The following DIAPH3 variants were observed in gnomAD, a reference collection of about 807,000 sequenced individuals.
DIAPH3 encodes protein diaphanous homolog 3.
In DIAPH3, 117 loss-of-function variants were observed where a neutral mutation model predicts 144.3. That is an observed-to-expected ratio of 0.81 (90% confidence interval 0.70 to 0.95). The LOEUF is 0.95. Among genes scored for constraint, DIAPH3 ranks in the 40% least tolerant of loss-of-function variants. The probability of loss-of-function intolerance (pLI) is 0.00; values close to 1 mark genes in which losing one functional copy is unlikely to be tolerated. For missense variants in DIAPH3, 1,421 were observed against 1,412.7 expected, an observed-to-expected ratio of 1.01 and a Z score of -0.09; for synonymous variants, 519 against 488.9, an observed-to-expected ratio of 1.06 and a Z score of -0.81.
intron 4 of DIAPH3, among the ~76,000 whole-genome samples, chr13:60,051,779 T>C (rs1357975527): frequency 6.6e-6 from 1 of 152,174 alleles, no homozygotes; most frequent in African/African-American, 2.4e-5. Flanking sequence ...TTGTCAGATC[T>C]GATGATTAGA....
At chr13:59,779,686 A>G (rs1056042939) in intron 25 of DIAPH3, among the ~76,000 whole-genome samples, 1 of 151,546 alleles carries the variant, frequency 6.6e-6, no homozygotes, top group Non-Finnish European at 1.5e-5. Flanking sequence ...TAATTTTTGC[A>G]TTTTTACTAG....
chr13:59,713,892 T>C (rs2034886703), intron 27 of DIAPH3, among the ~76,000 whole-genome samples: 1 of 152,076 alleles, frequency 6.6e-6, no homozygotes, highest in Non-Finnish European at 1.5e-5. Context: ...ATAACAGCCA[T>C]GGAGAGCAAA....
chr13:59,675,025 C>T (rs1259698812), intron 27 of DIAPH3, among the ~76,000 whole-genome samples: 3 of 152,174 alleles, frequency 2.0e-5, no homozygotes, highest in African/African-American at 7.2e-5. Context: ...TTATTAAACA[C>T]ATACTACATA....
At chr13:59,862,756 A>AT (rs1273894406) in intron 21 of DIAPH3, among the ~76,000 whole-genome samples, 1 of 151,932 alleles carries the variant, frequency 6.6e-6, no homozygotes, top group Non-Finnish European at 1.5e-5. Flanking sequence ...GTTTTTAGGC[A>AT]TTTTTTTCCT....
intron 5 of DIAPH3, among the ~76,000 whole-genome samples, chr13:60,024,926 T>C (rs745504548): frequency 2.6e-5 from 4 of 152,004 alleles, no homozygotes; most frequent in Admixed American, 1.3e-4. Context: ...AATAGCACCA[T>C]GGAAGGGGGA....
chr13:59,886,054 T>G (rs987238427), intron 20 of DIAPH3, among the ~76,000 whole-genome samples: 1 of 152,144 alleles, frequency 6.6e-6, no homozygotes, highest in African/African-American at 2.4e-5. Flanking sequence ...GTAAAAAATA[T>G]AGTACAAATG....
In DIAPH3 at chr13:60,040,927, C is replaced by A. The variant is rs2055617387; in HGVS notation, c.626+1763G>T. ...CTCCTAGGTTCAAGCGATTCTCCTG[C>A]CTCAGCCTCCTGAATAGCTGGGATT... On this transcript the variant is annotated intron_variant, in intron 5 of 27. Transcript: ENST00000400324. 1.3e-5 allele frequency among the ~76,000 whole-genome samples: 2 copies of A among 152,130 alleles called. 1 individual carries two copies. The highest frequency in any genetic ancestry group is 2.9e-5 in the Non-Finnish European group (2 of 68,030).
intron 20 of DIAPH3, among the ~76,000 whole-genome samples, chr13:59,910,519 G>A (rs1267712641): frequency 6.6e-6 from 1 of 152,024 alleles, no homozygotes; most frequent in East Asian, 1.9e-4. Flanking sequence ...CCTGAGGTCA[G>A]GAGTTCGAGA....
chr13:60,128,082 C>T (rs1264864644), intron 2 of DIAPH3, among the ~76,000 whole-genome samples: 1 of 151,924 alleles, frequency 6.6e-6, no homozygotes, highest in Non-Finnish European at 1.5e-5. Context: ...TCAAGTATGC[C>T]CCAGTGTCTG....
chr13:59,725,367 A>T, intron 27 of DIAPH3, among the ~76,000 whole-genome samples: 1 of 152,208 alleles, frequency 6.6e-6, no homozygotes, highest in South Asian at 2.1e-4. Context: ...AGAAGTAAAC[A>T]GAAGCAAGAG....
intron 17 of DIAPH3, among the ~76,000 whole-genome samples, chr13:59,957,512 T>G (rs1332920863): frequency 6.6e-6 from 1 of 152,166 alleles, no homozygotes; most frequent in Non-Finnish European, 1.5e-5. Flanking sequence ...TTAAACCTCT[T>G]TTTCTTTATA....
intron 3 of DIAPH3, 133 bp downstream of exon 3, chr13:60,111,877 T>G: frequency 1.2e-6 from 1 of 831,560 alleles, no homozygotes; most frequent in Non-Finnish European, 1.9e-6. Context: ...TCTTTGTGGC[T>G]GAAGTGCTAT....
chr13:59,686,115 A>G (rs183584787), intron 27 of DIAPH3, among the ~76,000 whole-genome samples: 2 of 152,240 alleles, frequency 1.3e-5, no homozygotes, highest in African/African-American at 4.8e-5. Context: ...TTGATTCTAT[A>G]AGCAAATAAA....
chr13:59,748,681 A>G (rs2036827950), intron 27 of DIAPH3, among the ~76,000 whole-genome samples: 1 of 152,136 alleles, frequency 6.6e-6, no homozygotes, highest in Non-Finnish European at 1.5e-5. Context: ...CTGTGATATA[A>G]ATGTATGCAA....
chr13:59,833,089 A>G lies in DIAPH3; in HGVS notation c.3027+18T>C, dbSNP rs2041862548. The G allele has an allele frequency of 1.2e-6, 2 of 1,601,120 alleles. No individual in the cohort carries two copies. The highest frequency in any genetic ancestry group is 1.7e-6 in the Non-Finnish European group (2 of 1,173,732). ...TATAAATAAAAAAACTTTTTAAAAA[A>G]CAATTTTTTTACCATACCATGAATG... On this transcript the variant is annotated intron_variant, in intron 24 of 27. Transcript: ENST00000400324.
chr13:60,024,387 C>T (rs1376317662), intron 5 of DIAPH3, among the ~76,000 whole-genome samples: 1 of 152,170 alleles, frequency 6.6e-6, no homozygotes, highest in Non-Finnish European at 1.5e-5. Context: ...TTTTGAGGCC[C>T]TCCAGTAAGC....
chr13:60,045,389 A>G (rs2056002470), intron 4 of DIAPH3, among the ~76,000 whole-genome samples: 1 of 152,132 alleles, frequency 6.6e-6, no homozygotes, highest in Admixed American at 6.6e-5. Flanking sequence ...TCTCAGGTAC[A>G]TCTTATTAGC....
At chr13:59,743,271 T>G (rs1341185071) in intron 27 of DIAPH3, among the ~76,000 whole-genome samples, 1 of 152,174 alleles carries the variant, frequency 6.6e-6, no homozygotes, top group Admixed American at 6.5e-5. Flanking sequence ...GGAAATGAAG[T>G]TGGCCTGAGA....
chr13:60,075,675 T>C (rs547213082), intron 4 of DIAPH3, among the ~76,000 whole-genome samples: 25 of 152,304 alleles, frequency 1.6e-4, no homozygotes, highest in African/African-American at 6.0e-4. Flanking sequence ...AAATCTATAG[T>C]GATGAACGGG....
Sources: allele counts gnomAD v4.1 joint callset (sites outside exome capture counted in the v4.1 genomes callset), GRCh38; gene constraint gnomAD v4.1.1; transcripts MANE v1.5; gene names NCBI Gene and HGNC (gene_info 2026-07-23, HGNC 2026-07-21).